GPR89B: variants seen among roughly 807,000 people sequenced by gnomAD.
GPR89B encodes the protein golgi pH regulator B, also known as G protein-coupled receptor 89B.
In GPR89B, 25 loss-of-function variants were observed where a neutral mutation model predicts 52.4. The ratio of observed to expected loss-of-function variants is 0.48; its 90% confidence interval spans 0.35 to 0.67. The LOEUF is 0.67. Ranked by LOEUF, GPR89B falls within the 30% of genes least tolerant of loss-of-function variation. The probability of loss-of-function intolerance (pLI) is 0.01; values close to 1 mark genes in which losing one functional copy is unlikely to be tolerated. For synonymous variants in GPR89B, 52 were observed against 151.2 expected (o/e 0.34, Z 4.81); for missense variants, 146 against 450.2 (o/e 0.32, Z 6.11).
the GPR89B span, among the ~76,000 whole-genome samples, chr1:148,006,693 T>C: frequency 6.6e-6 from 1 of 151,870 alleles, no homozygotes. Context: ...CGAGAACTTT[T>C]CACTTAATAG....
downstream of GPR89B, chr1:147,994,262 A>G: frequency 6.2e-7 from 1 of 1,600,736 alleles, no homozygotes; most frequent in South Asian, 1.1e-5. Context: ...ACCCAGAAAC[A>G]GCTATCAAAT....
intron 10 of GPR89B, among the ~76,000 whole-genome samples, chr1:147,979,230 CA>C (rs1196287365): frequency 2.6e-5 from 4 of 151,902 alleles, no homozygotes; most frequent in Non-Finnish European, 4.4e-5. Context: ...GAAAGTGCAA[CA>C]TTCACTCGCT....
chr1:147,935,595 T>G (rs59013680), intron 1 of GPR89B, among the ~76,000 whole-genome samples: 6,790 of 152,188 alleles, frequency 0.045, 215 homozygotes, highest in African/African-American at 0.075. Flanking sequence ...AAAACCACTT[T>G]TATGTAGATT....
chr1:147,956,484 G>A (rs1425988611), intron 7 of GPR89B, among the ~76,000 whole-genome samples: 1 of 151,990 alleles, frequency 6.6e-6, no homozygotes, highest in African/African-American at 2.4e-5. Context: ...GCTTTAGGTA[G>A]TATGGATGTT....
At chr1:147,944,995 AAGTGATTAATTATAC>A (rs1474298588) in intron 5 of GPR89B, among the ~76,000 whole-genome samples, 2 of 151,410 alleles carry the variant, frequency 1.3e-5, no homozygotes, top group Middle Eastern at 3.4e-3. Context: ...TTAAAGCAGA[AAGTGATTAATTATAC>A]AGTATCAGGC....
intron 10 of GPR89B, among the ~76,000 whole-genome samples, chr1:147,984,315 C>T (rs1658507856): frequency 6.6e-6 from 1 of 150,922 alleles, no homozygotes; most frequent in African/African-American, 2.4e-5. Context: ...TACCCTAAAA[C>T]TTAAAGTATA....
the GPR89B span, among the ~76,000 whole-genome samples, chr1:148,016,549 T>C: frequency 1.4e-5 from 2 of 144,716 alleles, no homozygotes; most frequent in African/African-American, 2.6e-5. Context: ...TGTGCTTTGG[T>C]TTCCTCAGCT....
intron 7 of GPR89B, among the ~76,000 whole-genome samples, chr1:147,964,905 CTT>C (rs1656922578): frequency 6.6e-6 from 1 of 151,196 alleles, no homozygotes; most frequent in Non-Finnish European, 1.5e-5. Flanking sequence ...ACAACTGCCT[CTT>C]TTAATCCTGC....
intron 1 of GPR89B, among the ~76,000 whole-genome samples, chr1:147,934,303 A>G (rs1464156120): frequency 6.6e-6 from 1 of 152,038 alleles, no homozygotes; most frequent in African/African-American, 2.4e-5. Flanking sequence ...CAGCCTCCCC[A>G]TAAGCTGGAA....
the GPR89B span, among the ~76,000 whole-genome samples, chr1:148,021,314 A>G: frequency 6.6e-6 from 1 of 151,700 alleles, no homozygotes; most frequent in Non-Finnish European, 1.5e-5. Flanking sequence ...CATCCTGGCT[A>G]ACATGGTGAA....
At chr1:147,940,215 A>G (rs1383778305) in intron 3 of GPR89B, among the ~76,000 whole-genome samples, 9 of 152,006 alleles carry the variant, frequency 5.9e-5, no homozygotes, top group African/African-American at 1.7e-4. Context: ...CATCCTGGCT[A>G]ACATGGTGAA....
chr1:147,962,907 A>C (rs1448711977), intron 7 of GPR89B, among the ~76,000 whole-genome samples: 1 of 151,784 alleles, frequency 6.6e-6, no homozygotes, highest in Non-Finnish European at 1.5e-5. Flanking sequence ...AAAAAAAAAA[A>C]ATTAAAACAG....
chr1:147,936,420 G>A (rs1654093512), intron 1 of GPR89B, among the ~76,000 whole-genome samples: 3 of 152,100 alleles, frequency 2.0e-5, no homozygotes, highest in Non-Finnish European at 2.9e-5. Flanking sequence ...TCTGTAACAT[G>A]GATAACTTCA....
At chr1:147,939,331 C>T (rs1571227677) in intron 3 of GPR89B, among the ~76,000 whole-genome samples, 1 of 151,960 alleles carries the variant, frequency 6.6e-6, no homozygotes, top group Non-Finnish European at 1.5e-5. Flanking sequence ...AAAAATAACT[C>T]TTTACTCCCC....
At chr1:147,955,209 T>C (rs1454483037) in intron 7 of GPR89B, among the ~76,000 whole-genome samples, 5,600 of 150,094 alleles carry the variant, frequency 0.037, 165 homozygotes, top group African/African-American at 0.062. Context: ...TCTCCAGTTA[T>C]ATTCAAGTTG....
the GPR89B span, chr1:148,009,649 A>C: frequency 2.5e-6 from 2 of 797,918 alleles, no homozygotes; most frequent in Non-Finnish European, 4.0e-6. Context: ...TGCCAGAGGG[A>C]AATGCTGACC....
At chr1:148,016,809 C>T in the GPR89B span, among the ~76,000 whole-genome samples, 5 of 151,022 alleles carry the variant, frequency 3.3e-5, no homozygotes, top group Admixed American at 3.3e-4. Flanking sequence ...ATAAATTAGG[C>T]CTCTTAAATC....
At chr1:147,991,563 C>G (rs1659070633) in intron 12 of GPR89B, among the ~76,000 whole-genome samples, 2 of 152,086 alleles carry the variant, frequency 1.3e-5, no homozygotes, top group Non-Finnish European at 2.9e-5. Flanking sequence ...TTTGCCCATT[C>G]AGTATGATAT....
At chr1:147,981,964 T>A (rs1658286765) in intron 10 of GPR89B, among the ~76,000 whole-genome samples, 2 of 151,780 alleles carry the variant, frequency 1.3e-5, no homozygotes, top group Admixed American at 1.3e-4. Context: ...GTGTATAAGT[T>A]TTTATGTGAG....
Sources: allele counts gnomAD v4.1 joint callset (sites outside exome capture counted in the v4.1 genomes callset), GRCh38; gene constraint gnomAD v4.1.1; transcripts MANE v1.5; gene names NCBI Gene and HGNC (gene_info 2026-07-23, HGNC 2026-07-21).